KCNIP1: variants seen among roughly 807,000 people sequenced by gnomAD.
KCNIP1 encodes the protein potassium voltage-gated channel interacting protein 1.
KCNIP1 carries 18 observed loss-of-function variants against 33.0 expected under a neutral mutation model. That is an observed-to-expected ratio of 0.55 (90% confidence interval 0.38 to 0.81). The LOEUF (loss-of-function observed/expected upper bound fraction) is 0.81, where lower values mean the gene tolerates loss of function less well. Ranked by LOEUF, KCNIP1 falls within the 30% of genes least tolerant of loss-of-function variation. The pLI is 0.00. For missense variants in KCNIP1, 238 were observed against 271.6 expected (o/e 0.88, Z 0.87); for synonymous variants, 93 against 98.3 (o/e 0.95, Z 0.32).
chr5:170,677,605 T>C (rs1762193906), intron 1 of KCNIP1, among the ~76,000 whole-genome samples: 2 of 152,132 alleles, frequency 1.3e-5, no homozygotes, highest in South Asian at 4.2e-4. Flanking sequence ...CCTGGGGGAC[T>C]CTGCAGACCA....
intron 1 of KCNIP1, among the ~76,000 whole-genome samples, chr5:170,665,089 C>T (rs979522773): frequency 6.6e-6 from 1 of 152,174 alleles, no homozygotes; most frequent in South Asian, 2.1e-4. Context: ...CCCGAACCCC[C>T]AGAAGCCTTT....
At chr5:170,525,214 C>T (rs1755524062) in intron 1 of KCNIP1, among the ~76,000 whole-genome samples, 1 of 152,198 alleles carries the variant, frequency 6.6e-6, no homozygotes, top group Non-Finnish European at 1.5e-5. Flanking sequence ...CTCTGCAGGC[C>T]TCTAGCAGAG....
intron 1 of KCNIP1, among the ~76,000 whole-genome samples, chr5:170,670,859 G>C (rs1299853993): frequency 6.6e-6 from 1 of 151,066 alleles, no homozygotes; most frequent in African/African-American, 2.4e-5. Flanking sequence ...TCACACCACT[G>C]CACTCCAGCC....
At chr5:170,436,538 G>A (rs1277352585) in intron 1 of KCNIP1, among the ~76,000 whole-genome samples, 1 of 152,238 alleles carries the variant, frequency 6.6e-6, no homozygotes, top group Non-Finnish European at 1.5e-5. Context: ...CCCGAGAGCT[G>A]GCTCCGCCCC....
At chr5:170,671,832 T>C (rs1761936742) in intron 1 of KCNIP1, among the ~76,000 whole-genome samples, 1 of 152,218 alleles carries the variant, frequency 6.6e-6, no homozygotes, top group Non-Finnish European at 1.5e-5. Context: ...TCAAAGCACT[T>C]TCTTTGTGCT....
intron 1 of KCNIP1, chr5:170,712,916 T>A: frequency 1.9e-6 from 3 of 1,593,702 alleles, no homozygotes; most frequent in Non-Finnish European, 2.6e-6. Flanking sequence ...AACCTGACTT[T>A]GGTCACATGA....
At chr5:170,712,753 G>A (rs1344147569) in intron 1 of KCNIP1, 22 of 1,079,962 alleles carry the variant, frequency 2.0e-5, no homozygotes, top group East Asian at 4.7e-5. Flanking sequence ...CAAGCTGGAC[G>A]ACGTGGACAC....
At chr5:170,713,812 A>C (rs1465179669) in intron 1 of KCNIP1, among the ~76,000 whole-genome samples, 2 of 152,132 alleles carry the variant, frequency 1.3e-5, no homozygotes, top group East Asian at 3.9e-4. Flanking sequence ...ACCTGAGGTC[A>C]GAAACTTGAG....
rs1309549708 is a variant in KCNIP1 at position 170,647,524 on chromosome 5, A to T, written c.62-71234A>T. 1.3e-5 allele frequency among the ~76,000 whole-genome samples: 2 copies of T among 152,134 alleles called. 1 individual carries two copies. Among genetic ancestry groups the T allele is most frequent in the Non-Finnish European group, 2.9e-5 (2 of 68,014 alleles). ...AGGAACAGAGGCAATACAGAGGAGC[A>T]AAGACAGTTTTTTCAACAAACAGTG... is the stretch of plus-strand genomic sequence containing the variant. On this transcript the variant is annotated intron_variant, in intron 1 of 7. Coordinates refer to ENST00000328939, the MANE Select transcript of KCNIP1 (RefSeq NM_014592.4).
At chr5:170,655,933 C>T (rs1372648258) in intron 1 of KCNIP1, among the ~76,000 whole-genome samples, 1 of 152,218 alleles carries the variant, frequency 6.6e-6, no homozygotes, top group Admixed American at 6.5e-5. Flanking sequence ...AGCTTTCCAA[C>T]AGCCCTGGAA....
At chr5:170,569,637 G>A (rs1425455476) in intron 1 of KCNIP1, among the ~76,000 whole-genome samples, 1 of 152,176 alleles carries the variant, frequency 6.6e-6, no homozygotes, top group Non-Finnish European at 1.5e-5. Context: ...CTAGCTACTC[G>A]GGAGGCTGAG....
At chr5:170,629,380 G>A (rs561658859) in intron 1 of KCNIP1, among the ~76,000 whole-genome samples, 1 of 152,146 alleles carries the variant, frequency 6.6e-6, no homozygotes, top group African/African-American at 2.4e-5. Context: ...GCAGGCCAAG[G>A]GACTCCTCCC....
intron 1 of KCNIP1, among the ~76,000 whole-genome samples, chr5:170,481,026 C>A (rs952565266): frequency 6.6e-6 from 1 of 152,162 alleles, no homozygotes; most frequent in South Asian, 2.1e-4. Flanking sequence ...AAAACCCTAT[C>A]GCATTTGCCA....
chr5:170,551,848 G>GTGTGAGA (rs978991226), intron 1 of KCNIP1, among the ~76,000 whole-genome samples: 6 of 149,902 alleles, frequency 4.0e-5, no homozygotes, highest in Non-Finnish European at 8.9e-5. Flanking sequence ...GTTAGTGCAT[G>GTGTGAGA]TGTGAGACTG....
intron 1 of KCNIP1, among the ~76,000 whole-genome samples, chr5:170,417,628 A>G (rs989424649): frequency 6.6e-6 from 1 of 151,934 alleles, no homozygotes; most frequent in African/African-American, 2.4e-5. Context: ...TAAACTCCCC[A>G]TTCCCTGTTT....
chr5:170,492,887 C>T (rs1757234432), intron 1 of KCNIP1, among the ~76,000 whole-genome samples: 1 of 152,170 alleles, frequency 6.6e-6, no homozygotes, highest in African/African-American at 2.4e-5. Flanking sequence ...GTAGCTGGGA[C>T]TACAGGTGCC....
At chr5:170,539,977 A>G (rs988258874) in intron 1 of KCNIP1, among the ~76,000 whole-genome samples, 3 of 152,190 alleles carry the variant, frequency 2.0e-5, no homozygotes, top group Non-Finnish European at 4.4e-5. Context: ...CTGAAATGAG[A>G]AAAGATTTTT....
At chr5:170,726,075 T>C (rs1763995356) in intron 5 of KCNIP1, among the ~76,000 whole-genome samples, 2 of 152,116 alleles carry the variant, frequency 1.3e-5, no homozygotes, top group African/African-American at 4.8e-5. Context: ...TAGGAAAGGA[T>C]AAGGAATCAT....
upstream of KCNIP1, among the ~76,000 whole-genome samples, chr5:170,503,699 A>G (rs1754535676): frequency 6.7e-6 from 1 of 148,208 alleles, no homozygotes; most frequent in Admixed American, 6.8e-5. Context: ...AGGGACACAC[A>G]CACACACACA....
Sources: gnomAD v4.1 joint callset for allele counts (sites outside exome capture counted in the v4.1 genomes callset) on GRCh38, gnomAD v4.1.1 for gene constraint, MANE v1.5 for transcripts, NCBI Gene and HGNC (gene_info 2026-07-23, HGNC 2026-07-21) for gene names.